Variants in ZFP62 observed in about 807,000 individuals in gnomAD.
ZFP62 encodes zinc finger protein 62 homolog.
ZFP62 carries 44 observed loss-of-function variants against 56.4 expected under a neutral mutation model. That is an observed-to-expected ratio of 0.78 (90% CI 0.61 to 1.00). The LOEUF (loss-of-function observed/expected upper bound fraction) is 1.00, where lower values mean the gene tolerates loss of function less well. Ranked by LOEUF, ZFP62 falls within the 50% of genes least tolerant of loss-of-function variation. The probability of loss-of-function intolerance (pLI) is 0.00; values close to 1 mark genes in which losing one functional copy is unlikely to be tolerated. For missense variants in ZFP62, 1,030 were observed against 1,085.7 expected (o/e 0.95, Z 0.72); for synonymous variants, 421 against 388.9 (o/e 1.08, Z -0.97).
At chr5:180,842,369 T>G in the ZFP62 span, among the ~76,000 whole-genome samples, 1 of 151,814 alleles carries the variant, frequency 6.6e-6, no homozygotes, top group Non-Finnish European at 1.5e-5. Flanking sequence ...ATACACAAAT[T>G]TAAAAGCCCA....
Position 180,851,183 on chromosome 5 carries a change from C to T in ZFP62, c.312G>A (p.Gln104=). 1 of 1,551,698 alleles carries T rather than the reference C, an allele frequency of 6.4e-7. No homozygotes were observed. ...TGCCTCTCTGTCCTATAGGCATAGT[C>T]TGGTGTGTGATATGCTGTGGGCTCA... ...LHLSPQHITH[Q]TMPIGQRGSE... Residue 104 remains glutamine (Q), a synonymous_variant, in exon 2 of 2, where the codon CAG becomes CAA. Transcript: ENST00000502412.
chr5:180,832,355 G>A, the ZFP62 span, among the ~76,000 whole-genome samples: 3 of 152,154 alleles, frequency 2.0e-5, no homozygotes, highest in African/African-American at 7.2e-5. Context: ...GTTTCACTAT[G>A]TTGCCCAGGC....
At chr5:180,859,939 TGAA>T (rs1371904123) in intron 1 of ZFP62, among the ~76,000 whole-genome samples, 1 of 152,232 alleles carries the variant, frequency 6.6e-6, no homozygotes, top group Non-Finnish European at 1.5e-5. Flanking sequence ...TACCATTGTT[TGAA>T]GTAACAACAA....
In ZFP62 at chr5:180,849,027, T is replaced by A; in HGVS notation, c.2468A>T (p.Tyr823Phe). The part of the protein sequence containing the change: ...YNCECGKSFN[Y>F]RSVLDQHKRI... Reference sequence around the variant, plus strand: ...TTTGTGCTGGTCAAGGACTGATCTATAATTGAAGGATTTCCCACACTCACA... The same window carrying A: ...TTTGTGCTGGTCAAGGACTGATCTAAAATTGAAGGATTTCCCACACTCACA... Residue 823 changes from tyrosine to phenylalanine, a missense_variant, in exon 2 of 2, where the codon TAT becomes TTT. Transcript: ENST00000502412. 6.4e-7 allele frequency: 1 copy of A among 1,552,152 alleles called. No individual in the cohort carries two copies. The highest frequency in any genetic ancestry group is 1.2e-5 in the South Asian group (1 of 84,060).
the ZFP62 span, among the ~76,000 whole-genome samples, chr5:180,829,737 G>A: frequency 4.6e-5 from 7 of 152,276 alleles, no homozygotes; most frequent in South Asian, 2.1e-4. Flanking sequence ...CATCAGTGAC[G>A]TGACTTAGCC....
rs1389622347 is a variant in ZFP62 at position 180,850,679 on chromosome 5, T to A, written c.816A>T (p.Lys272Asn). The A allele has an allele frequency of 6.3e-7, 1 of 1,596,268 alleles. No individual in the cohort carries two copies. The highest frequency in any genetic ancestry group is 8.5e-7 in the Non-Finnish European group (1 of 1,171,068). The change falls in exon 2 of 2, where the codon AAA (lysine) becomes AAT (asparagine). Residue 272 changes from lysine to asparagine, a missense_variant. Transcript: ENST00000502412. ...AGGGCTTCTCCCCCGTGTGGATCCTTTTGTGGACTCTGAGCCCAGAGCTGT... is the reference window on the plus strand; with the variant it reads ...AGGGCTTCTCCCCCGTGTGGATCCTATTGTGGACTCTGAGCCCAGAGCTGT... ...FRNSSGLRVH[K>N]RIHTGEKPYE...
chr5:180,838,786 T>C, the ZFP62 span, among the ~76,000 whole-genome samples: 1 of 152,238 alleles, frequency 6.6e-6, no homozygotes, highest in South Asian at 2.1e-4. Flanking sequence ...ACCTAGTGTT[T>C]GTGAAGGTGT....
At chr5:180,856,222 C>A (rs1159001108) in intron 1 of ZFP62, among the ~76,000 whole-genome samples, 1 of 152,134 alleles carries the variant, frequency 6.6e-6, no homozygotes, top group African/African-American at 2.4e-5. Flanking sequence ...CATGATGTCC[C>A]GTCACCTGAT....
At chr5:180,845,307 C>T (rs1413257317), downstream of ZFP62, among the ~76,000 whole-genome samples, 6 of 125,508 alleles carry the variant, frequency 4.8e-5, no homozygotes, top group East Asian at 5.2e-4. Flanking sequence ...CCAGCCTGGG[C>T]GACAGAACGA....
intron 1 of ZFP62, among the ~76,000 whole-genome samples, chr5:180,857,416 CCT>C (rs1377138552): frequency 2.0e-5 from 3 of 152,158 alleles, no homozygotes; most frequent in African/African-American, 7.2e-5. Context: ...AGTGTGCCCA[CCT>C]CTGTTAGATA....
chr5:180,846,561 G>A (rs1351914244), downstream of ZFP62, among the ~76,000 whole-genome samples: 1 of 152,198 alleles, frequency 6.6e-6, no homozygotes, highest in East Asian at 1.9e-4. Context: ...CCTTGCTGGA[G>A]GATGCCTGGG....
the ZFP62 span, among the ~76,000 whole-genome samples, chr5:180,828,146 T>C: frequency 1.3e-5 from 2 of 152,254 alleles, no homozygotes; most frequent in South Asian, 2.1e-4. Context: ...TCTCTATACT[T>C]TGTCTCTGTG....
At chr5:180,833,932 G>A in the ZFP62 span, among the ~76,000 whole-genome samples, 1 of 152,164 alleles carries the variant, frequency 6.6e-6, no homozygotes, top group Non-Finnish European at 1.5e-5. Flanking sequence ...GCCTCCCAAA[G>A]TGCTGGGATT....
the ZFP62 span, chr5:180,835,541 T>C: frequency 6.6e-6 from 1 of 152,232 alleles, no homozygotes; most frequent in Non-Finnish European, 1.5e-5. Flanking sequence ...TTTCTTCCTC[T>C]GTGGATTGAT....
chr5:180,854,124 C>T (rs1236875211), intron 1 of ZFP62, among the ~76,000 whole-genome samples: 20 of 152,062 alleles, frequency 1.3e-4, no homozygotes, highest in Admixed American at 1.3e-3. Flanking sequence ...CTACTATTAC[C>T]ATTATTTACT....
At chr5:180,844,385 C>T (rs1264098819), downstream of ZFP62, among the ~76,000 whole-genome samples, 4 of 152,338 alleles carry the variant, frequency 2.6e-5, no homozygotes, top group South Asian at 2.1e-4. Context: ...TTCACCTGCT[C>T]CTCTCTGGGG....
intron 1 of ZFP62, among the ~76,000 whole-genome samples, chr5:180,859,304 A>G (rs557359819): frequency 1.3e-5 from 2 of 152,344 alleles, no homozygotes; most frequent in South Asian, 4.1e-4. Flanking sequence ...GAAAGGAAAC[A>G]AGACAAGAGA....
At chr5:180,859,477 G>A (rs1342997937) in intron 1 of ZFP62, among the ~76,000 whole-genome samples, 2 of 152,212 alleles carry the variant, frequency 1.3e-5, no homozygotes, top group African/African-American at 2.4e-5. Flanking sequence ...TATTAGGAAT[G>A]TATATGATTA....
At chr5:180,858,869 G>A (rs181641089) in intron 1 of ZFP62, among the ~76,000 whole-genome samples, 2 of 152,222 alleles carry the variant, frequency 1.3e-5, no homozygotes, top group Non-Finnish European at 2.9e-5. Flanking sequence ...TTTTCAACAC[G>A]CAGCATGAGT....
Sources: gnomAD v4.1 joint callset for allele counts (sites outside exome capture counted in the v4.1 genomes callset) on GRCh38, gnomAD v4.1.1 for gene constraint, MANE v1.5 for transcripts, NCBI Gene and HGNC (gene_info 2026-07-23, HGNC 2026-07-21) for gene names.